Variants in AUTS2 observed in about 807,000 individuals in gnomAD.
AUTS2 encodes the protein activator of transcription and developmental regulator AUTS2.
Under a neutral mutation model 112.4 loss-of-function variants are expected in AUTS2, and 17 were observed. The observed-to-expected ratio is 0.15, with a 90% confidence interval of 0.10 to 0.23. AUTS2 has a LOEUF of 0.23. Ranked by LOEUF, AUTS2 falls within the 10% of genes least tolerant of loss-of-function variation. AUTS2 has a pLI of 1.00. For missense variants in AUTS2, 1,510 were observed against 1,701.6 expected (o/e 0.89, Z 1.98); for synonymous variants, 751 against 702.7 (o/e 1.07, Z -1.09).
At chr7:70,266,156 A>G (rs372221970) in intron 4 of AUTS2, among the ~76,000 whole-genome samples, 2 of 152,374 alleles carry the variant, frequency 1.3e-5, no homozygotes, top group East Asian at 1.9e-4. Context: ...TCATAAACTA[A>G]TAAGTGGATA....
intron 1 of AUTS2, among the ~76,000 whole-genome samples, chr7:69,778,216 G>T (rs1028762935): frequency 2.1e-5 from 3 of 143,030 alleles, no homozygotes; most frequent in African/African-American, 7.8e-5. Context: ...CAAATCACAG[G>T]GCCTTATCCC....
At chr7:69,717,549 T>C (rs1798678628) in intron 1 of AUTS2, among the ~76,000 whole-genome samples, 1 of 152,166 alleles carries the variant, frequency 6.6e-6, no homozygotes, top group Non-Finnish European at 1.5e-5. Context: ...CTGTGTGCTG[T>C]GTAGAGTATG....
chr7:70,520,752 G>T (rs1346845387), intron 5 of AUTS2, among the ~76,000 whole-genome samples: 4 of 152,176 alleles, frequency 2.6e-5, no homozygotes, highest in African/African-American at 9.7e-5. Context: ...ACAAATGAGC[G>T]GCTGAGTAAG....
At chr7:70,681,873 G>A (rs1328718191) in intron 5 of AUTS2, among the ~76,000 whole-genome samples, 1 of 152,124 alleles carries the variant, frequency 6.6e-6, no homozygotes, top group Admixed American at 6.6e-5. Flanking sequence ...CCCATGTTTT[G>A]TGTGAATTTA....
chr7:69,988,299 C>G (rs1036637569), intron 2 of AUTS2, among the ~76,000 whole-genome samples: 31 of 152,080 alleles, frequency 2.0e-4, no homozygotes, highest in African/African-American at 7.0e-4. Flanking sequence ...TTAAGGGGGA[C>G]TTTGAGTCTA....
Position 70,656,769 on chromosome 7 carries a change from C to T in AUTS2, c.691-41800C>T, listed in dbSNP as rs191085846. On this transcript the variant is annotated intron_variant, in intron 5 of 18. Coordinates refer to ENST00000342771, the MANE Select transcript of AUTS2 (RefSeq NM_015570.4). Reference sequence around the variant, plus strand: ...ATGCAATAGGATTACAGGAGGACATCGTAGCCACAGATAACCCGGCCATGT... The same window carrying T: ...ATGCAATAGGATTACAGGAGGACATTGTAGCCACAGATAACCCGGCCATGT... Among the ~76,000 whole-genome samples, 287 of 152,254 alleles carry T rather than the reference C, an allele frequency of 1.9e-3. 1 individual carries two copies. The highest frequency in any genetic ancestry group is 6.1e-3 in the African/African-American group (252 of 41,566).
At chr7:70,779,054 C>T (rs1790890658) in intron 14 of AUTS2, among the ~76,000 whole-genome samples, 1 of 152,196 alleles carries the variant, frequency 6.6e-6, no homozygotes, top group South Asian at 2.1e-4. Flanking sequence ...TTGTAATCCC[C>T]AAGCTCCATT....
At chr7:70,451,549 C>T (rs182720439) in intron 5 of AUTS2, among the ~76,000 whole-genome samples, 166 of 152,172 alleles carry the variant, frequency 1.1e-3, no homozygotes, top group African/African-American at 3.5e-3. Flanking sequence ...ATGGTAAGCA[C>T]ACTCACATGG....
At chr7:70,426,595 CAGTTGATTAA>C (rs1258675416) in intron 4 of AUTS2, among the ~76,000 whole-genome samples, 2 of 152,170 alleles carry the variant, frequency 1.3e-5, no homozygotes, top group African/African-American at 2.4e-5. Flanking sequence ...TGAAAGAGAG[CAGTTGATTAA>C]ATCATCATCA....
intron 1 of AUTS2, among the ~76,000 whole-genome samples, chr7:69,625,542 A>G (rs545986372): frequency 6.6e-6 from 1 of 152,172 alleles, no homozygotes; most frequent in African/African-American, 2.4e-5. Flanking sequence ...GAACACCTAG[A>G]TAAAAAACAT....
At chr7:69,750,267 T>C (rs1160195190) in intron 1 of AUTS2, among the ~76,000 whole-genome samples, 1 of 151,910 alleles carries the variant, frequency 6.6e-6, no homozygotes, top group Non-Finnish European at 1.5e-5. Flanking sequence ...GATTTGAAGG[T>C]CTGACCCACA....
intron 4 of AUTS2, among the ~76,000 whole-genome samples, chr7:70,281,378 G>A (rs1478738817): frequency 6.6e-6 from 1 of 152,144 alleles, no homozygotes; most frequent in Non-Finnish European, 1.5e-5. Context: ...GCAATTAGGG[G>A]GATCCCACCC....
chr7:70,630,072 G>A (rs144126131), intron 5 of AUTS2, among the ~76,000 whole-genome samples: 10 of 152,120 alleles, frequency 6.6e-5, no homozygotes, highest in East Asian at 5.8e-4. Flanking sequence ...AGCTTGGATC[G>A]CAAAAGGGCA....
At chr7:69,964,520 T>G (rs952037842) in intron 2 of AUTS2, among the ~76,000 whole-genome samples, 5 of 152,172 alleles carry the variant, frequency 3.3e-5, no homozygotes, top group African/African-American at 1.2e-4. Context: ...ATGGGGAATT[T>G]GTTATCTCTT....
chr7:70,228,531 G>T (rs909934013), intron 4 of AUTS2, among the ~76,000 whole-genome samples: 1 of 151,280 alleles, frequency 6.6e-6, no homozygotes, highest in Non-Finnish European at 1.5e-5. Flanking sequence ...GTGTGTTTTA[G>T]TGTATCATTT....
At position 70,631,973 on chromosome 7, in the gene AUTS2, C is replaced by T. The variant is rs1479741571; in HGVS notation, c.691-66596C>T. Among the ~76,000 whole-genome samples, 1 of 151,820 alleles carries T rather than the reference C, an allele frequency of 6.6e-6. No individual in the cohort carries two copies. The highest frequency in any genetic ancestry group is 1.5e-5 in the Non-Finnish European group (1 of 68,004). ...TCCTGTGGAGACCCGATCTGCCGTCCTGGTGGGCAGCAGGTGTGAGCGCCT... is the reference window on the plus strand; with the variant it reads ...TCCTGTGGAGACCCGATCTGCCGTCTTGGTGGGCAGCAGGTGTGAGCGCCT... On this transcript the variant is annotated intron_variant, in intron 5 of 18. Coordinates refer to ENST00000342771, the MANE Select transcript of AUTS2 (RefSeq NM_015570.4). The surrounding 1 kb of genome is among the most constrained non-coding windows in gnomAD (Gnocchi z 4.5).
intron 4 of AUTS2, among the ~76,000 whole-genome samples, chr7:70,346,168 G>A (rs995094828): frequency 3.3e-5 from 5 of 152,148 alleles, no homozygotes; most frequent in Non-Finnish European, 5.9e-5. Context: ...ACAGTGGTGA[G>A]CAATGGAAAT....
intron 1 of AUTS2, among the ~76,000 whole-genome samples, chr7:69,787,811 G>A (rs1344137956): frequency 6.6e-6 from 1 of 152,082 alleles, no homozygotes; most frequent in African/African-American, 2.4e-5. Flanking sequence ...CTGACTTCAG[G>A]TGATCCGCCC....
At chr7:70,051,064 A>T (rs1001322333) in intron 2 of AUTS2, among the ~76,000 whole-genome samples, 16 of 152,226 alleles carry the variant, frequency 1.1e-4, no homozygotes, top group African/African-American at 3.6e-4. Flanking sequence ...TGCCAAGGGG[A>T]TGAGCAAATG....
Sources: allele counts gnomAD v4.1 joint callset (sites outside exome capture counted in the v4.1 genomes callset), GRCh38; gene constraint gnomAD v4.1.1; non-coding constraint Gnocchi (gnomAD v3.1); transcripts MANE v1.5; gene names NCBI Gene and HGNC (gene_info 2026-07-23, HGNC 2026-07-21).